The following CRKL variants were observed in gnomAD, a reference collection of about 807,000 sequenced individuals.
CRKL encodes CRK like proto-oncogene, adaptor protein.
In CRKL, 3 loss-of-function variants were observed where a neutral mutation model predicts 23.0. The observed-to-expected ratio is 0.13, with a 90% confidence interval of 0.06 to 0.34. The LOEUF is 0.34. Among genes scored for constraint, CRKL ranks in the 10% least tolerant of loss-of-function variants. The pLI is 1.00. For missense variants in CRKL, 256 were observed against 394.5 expected (o/e 0.65, Z 2.97); for synonymous variants, 188 against 160.7 (o/e 1.17, Z -1.28).
chr22:20,928,206 C>T (rs1466458621), intron 1 of CRKL, among the ~76,000 whole-genome samples: 1 of 151,622 alleles, frequency 6.6e-6, no homozygotes, highest in African/African-American at 2.4e-5. Flanking sequence ...CCTGTAGTCC[C>T]AAATAGTGGG....
At chr22:20,925,951 T>A (rs1921186622) in intron 1 of CRKL, among the ~76,000 whole-genome samples, 1 of 152,206 alleles carries the variant, frequency 6.6e-6, no homozygotes, top group Non-Finnish European at 1.5e-5. Context: ...TTGATTTTTG[T>A]CTTTGAGAAG....
rs2088683992 is a variant in CRKL, at chr22:20,950,731, A to C, written c.*886A>C. The C allele has an allele frequency of 4.5e-6, 1 of 223,232 alleles. No individual in the cohort carries two copies. Among genetic ancestry groups the C allele is most frequent in the African/African-American group, 2.2e-5 (1 of 44,746 alleles). The allele number at this position is 223,232 out of a possible 1,614,324, so 13.8% of individuals were successfully genotyped here. A position where few individuals can be genotyped will look rare whatever the true frequency, so the allele number is the denominator to read the frequency against. The stretch of plus-strand genomic sequence containing the variant: ...GCCTGGCCTAGACTTGTGTGTTCTA[A>C]ACAGGTTAAGTAGCAGGTTGGGTTT... On this transcript the variant is annotated 3_prime_UTR_variant, in exon 3 of 3. Coordinates refer to ENST00000354336, the MANE Select transcript of CRKL (RefSeq NM_005207.4).
At chr22:20,924,694 A>G (rs1366640342) in intron 1 of CRKL, among the ~76,000 whole-genome samples, 2 of 152,056 alleles carry the variant, frequency 1.3e-5, no homozygotes, top group African/African-American at 4.8e-5. Context: ...GTCTCTACTA[A>G]AATACAAAAA....
intron 2 of CRKL, among the ~76,000 whole-genome samples, chr22:20,941,481 G>T (rs576304666): frequency 3.5e-5 from 5 of 141,672 alleles, no homozygotes; most frequent in Admixed American, 7.3e-5. Flanking sequence ...GAATATTCTC[G>T]TATTTAAAAA....
At chr22:20,923,598 C>T (rs1021544942) in intron 1 of CRKL, among the ~76,000 whole-genome samples, 1 of 105,670 alleles carries the variant, frequency 9.5e-6, no homozygotes, top group Non-Finnish European at 1.8e-5. Context: ...TTTTTTGAGA[C>T]AGAGTCTTGC....
At chr22:20,935,522 C>CTTTTTT (rs11463804) in intron 2 of CRKL, among the ~76,000 whole-genome samples, 1 of 143,204 alleles carries the variant, frequency 7.0e-6, no homozygotes, top group Non-Finnish European at 1.5e-5. Context: ...ATTTTCTTTT[C>CTTTTTT]TTTTTTTTTT....
rs2147919068 is a variant in CRKL, at chr22:20,950,154, T to C, written c.*309T>C. 1 of 354,136 alleles carries C rather than the reference T, an allele frequency of 2.8e-6. No individual in the cohort carries two copies. Among genetic ancestry groups the C allele is most frequent in the South Asian group, 4.8e-5 (1 of 21,042 alleles). 21.9% of individuals were successfully genotyped at this position (354,136 alleles called of 1,614,324 possible). A position where few individuals can be genotyped will look rare whatever the true frequency, so the allele number is the denominator to read the frequency against. On this transcript the variant is annotated 3_prime_UTR_variant, in exon 3 of 3. Coordinates refer to ENST00000354336, the MANE Select transcript of CRKL (RefSeq NM_005207.4). ...GTCTTCCTTCTCATTGCTGCCCGTT[T>C]GTACATGGGACTGATTCTGTTGTGT...
At position 20,918,282 on chromosome 22, in the gene CRKL, G is replaced by T. The variant is rs558962495; in HGVS notation, c.311+37G>T. The T allele has an allele frequency of 1.2e-5, 19 of 1,603,264 alleles. No individual in the cohort carries two copies. The East Asian group carries it at 4.0e-4, about 34-fold the overall frequency. ...CCCTCCCCGACCGCGGAGGAAGGTC[G>T]AGAACCGGGTCTGTCGAAGAGTGCT... On this transcript the variant is annotated intron_variant, in intron 1 of 2. Coordinates refer to ENST00000354336, the MANE Select transcript of CRKL (RefSeq NM_005207.4).
At chr22:20,947,876 G>T (rs1472957721) in intron 2 of CRKL, among the ~76,000 whole-genome samples, 1 of 151,328 alleles carries the variant, frequency 6.6e-6, no homozygotes, top group Non-Finnish European at 1.5e-5. Flanking sequence ...TAGAGACAGG[G>T]TTTCACTGTG....
intron 1 of CRKL, among the ~76,000 whole-genome samples, chr22:20,928,478 C>CA (rs892321537): frequency 4.6e-5 from 7 of 150,818 alleles, no homozygotes; most frequent in East Asian, 1.9e-4. Flanking sequence ...CAAAACAAGC[C>CA]AAAAAAAACT....
At chr22:20,923,513 G>A (rs1334482115) in intron 1 of CRKL, among the ~76,000 whole-genome samples, 6 of 151,280 alleles carry the variant, frequency 4.0e-5, no homozygotes, top group African/African-American at 1.5e-4. Context: ...TCCTGACCTC[G>A]TGAACCGCCC....
chr22:20,932,270 G>A (rs1921483273), intron 1 of CRKL, among the ~76,000 whole-genome samples: 1 of 151,888 alleles, frequency 6.6e-6, no homozygotes, highest in Non-Finnish European at 1.5e-5. Context: ...CACTATGCCC[G>A]GCTCATTTTT....
chr22:20,947,697 T>TTTTTA (rs59773073), intron 2 of CRKL, among the ~76,000 whole-genome samples: 1 of 73,918 alleles, frequency 1.4e-5, no homozygotes, highest in African/African-American at 4.5e-5. Context: ...TTTTTTTTTT[T>TTTTTA]GAGACAGGGT....
At chr22:20,943,399 C>A (rs538117553) in intron 2 of CRKL, among the ~76,000 whole-genome samples, 14 of 152,048 alleles carry the variant, frequency 9.2e-5, no homozygotes, top group Non-Finnish European at 2.1e-4. Context: ...ACCACCATAC[C>A]CCGCTAATTT....
intron 2 of CRKL, among the ~76,000 whole-genome samples, chr22:20,945,841 T>TAG (rs1276388979): frequency 6.6e-6 from 1 of 152,160 alleles, no homozygotes; most frequent in Non-Finnish European, 1.5e-5. Flanking sequence ...GGCCTACACA[T>TAG]AGATGTTCAA....
At chr22:20,941,519 G>A (rs9613368) in intron 2 of CRKL, among the ~76,000 whole-genome samples, 912 of 21,680 alleles carry the variant, frequency 0.042, 57 homozygotes, top group African/African-American at 0.069. Flanking sequence ...TTGTGTATGT[G>A]TATATATATA....
chr22:20,949,523 G>T (rs951035484), intron 2 of CRKL, among the ~76,000 whole-genome samples, 188 bp from the exon 3 acceptor site: 6 of 152,190 alleles, frequency 3.9e-5, no homozygotes, highest in African/African-American at 1.4e-4. Flanking sequence ...GATCACTTGA[G>T]CCCAGGCGTT....
At chr22:20,930,662 G>C (rs1281460607) in intron 1 of CRKL, among the ~76,000 whole-genome samples, 1 of 149,894 alleles carries the variant, frequency 6.7e-6, no homozygotes. Flanking sequence ...TTACAGGCGT[G>C]AGCCACCACA....
chr22:20,930,451 C>G (rs1921399829), intron 1 of CRKL, among the ~76,000 whole-genome samples: 1 of 152,156 alleles, frequency 6.6e-6, no homozygotes, highest in Non-Finnish European at 1.5e-5. Flanking sequence ...GTGATCTCAG[C>G]TCATTGCAAC....
Sources: allele counts gnomAD v4.1 joint callset (sites outside exome capture counted in the v4.1 genomes callset), GRCh38; gene constraint gnomAD v4.1.1; transcripts MANE v1.5; gene names NCBI Gene and HGNC (gene_info 2026-07-23, HGNC 2026-07-21).